The following UPF1 variants were observed in gnomAD, a reference collection of about 807,000 sequenced individuals.
UPF1 encodes the protein regulator of nonsense transcripts 1.
A neutral mutation model predicts 129.2 loss-of-function variants in UPF1; 9 were observed. The ratio of observed to expected loss-of-function variants is 0.07; its 90% confidence interval spans 0.04 to 0.12. The LOEUF (loss-of-function observed/expected upper bound fraction) is 0.12, where lower values mean the gene tolerates loss of function less well. Among genes scored for constraint, UPF1 ranks in the 10% least tolerant of loss-of-function variants. The pLI is 1.00. For missense variants in UPF1, 788 were observed against 1,525.3 expected (o/e 0.52, Z 8.05); for synonymous variants, 649 against 644.9 (o/e 1.01, Z -0.10).
intron 15 of UPF1, chr19:18,859,284 C>T (rs896850119): frequency 1.3e-5 from 2 of 152,238 alleles, no homozygotes; most frequent in Non-Finnish European, 1.5e-5. Context: ...ATGCACAGCA[C>T]GTAGTTCACA....
rs183573172 is a variant in UPF1, at chr19:18,852,434, T to C, written c.972+138T>C. On this transcript the variant is annotated intron_variant, in intron 6 of 23. Transcript: ENST00000262803. ...AGCCGCGACACCTGAGAGTTGGAACTTGCGGATCCGGGCCTGGCAGCCCGG... is the reference window on the plus strand; with the variant it reads ...AGCCGCGACACCTGAGAGTTGGAACCTGCGGATCCGGGCCTGGCAGCCCGG... 681 of 1,312,760 alleles carry C rather than the reference T, an allele frequency of 5.2e-4. 3 individuals carry two copies. In the African/African-American group the frequency reaches 8.9e-3, roughly 17 times the overall value. 81.3% of individuals were successfully genotyped at this position (1,312,760 alleles called of 1,614,324 possible). A position where few individuals can be genotyped will look rare whatever the true frequency, so the allele number is the denominator to read the frequency against.
intron 23 of UPF1, among the ~76,000 whole-genome samples, 160 bp from the exon 24 acceptor site, chr19:18,866,361 A>T (rs1490677058): frequency 6.6e-6 from 1 of 151,986 alleles, no homozygotes; most frequent in African/African-American, 2.4e-5. Context: ...ACCCCACCCT[A>T]CCCCATCCTG....
rs769662142 is a variant in UPF1, at chr19:18,855,111, G to A, written c.1426-13G>A. 86 of 1,613,676 alleles carry A rather than the reference G, an allele frequency of 5.3e-5. No individual in the cohort carries two copies. The highest frequency in any genetic ancestry group is 1.6e-4 in the Middle Eastern group (1 of 6,082). ...CAAGCGGAGGCTGCCCCTAACGGCC[G>A]CTTGTATTGAAGGTTTATGCCGTGA... On this transcript the variant is annotated splice_polypyrimidine_tract_variant and intron_variant, in intron 10 of 23. Coordinates refer to ENST00000262803, the MANE Select transcript of UPF1 (RefSeq NM_002911.4).
rs1217060444 is a variant in UPF1 at position 18,850,234 on chromosome 19, G to A, written c.621G>A (p.Leu207=). ...CCAAAGCTGACTCAGTGGTGGTGCT[G>A]CTGTGCAGGTGAGTGGTCCCCAGAT... ...IPAKADSVVV[L]LCRQPCASQS... The change falls in exon 4 of 24, where the codon CTG becomes CTA. Residue 207 remains leucine (L), a synonymous_variant. Transcript: ENST00000262803. The surrounding 1 kb of genome is among the most constrained non-coding windows in gnomAD (Gnocchi z 7.1). The A allele has an allele frequency of 1.2e-6, 2 of 1,607,762 alleles. No individual in the cohort carries two copies. The highest frequency in any genetic ancestry group is 4.5e-5 in the East Asian group (2 of 44,784).
At position 18,863,485 on chromosome 19, in the gene UPF1, C is replaced by T. The variant is rs2055804421; in HGVS notation, c.2648C>T (p.Pro883Leu). 5.6e-6 allele frequency: 9 copies of T among 1,613,878 alleles called. No homozygotes were observed. The highest frequency in any genetic ancestry group is 2.2e-5 in the East Asian group (1 of 44,882). ...AACCCGAAGGCACTATCAAAGCAGC[C>T]GCTCTGGAACCACCTGCTGAACTAC... ...VGNPKALSKQ[P>L]LWNHLLNYYK... Residue 883 changes from proline (P) to leucine (L), a missense_variant, in exon 19 of 24, where the codon CCG becomes CTG. Around this residue, in one of 6 missense-constraint regions of UPF1, gnomAD observed 140 missense variants for 385.9 expected, o/e 0.36. Transcript: ENST00000262803.
intron 3 of UPF1, chr19:18,849,538 G>A (rs1391910366): frequency 1.2e-5 from 2 of 167,182 alleles, no homozygotes; most frequent in Non-Finnish European, 2.6e-5. Flanking sequence ...AACCGCCCCC[G>A]CCTCTGCTCA....
In UPF1 at chr19:18,865,919, A is replaced by G; in HGVS notation, c.3238-125A>G. ...CCTGTCCCTGGGCTGGGGTCATCAG[A>G]GTGGGTCTCCTGGGTCTTAGTTTGG... On this transcript the variant is annotated intron_variant, in intron 22 of 23. Transcript: ENST00000262803. The surrounding 1 kb of genome is among the most constrained non-coding windows in gnomAD (Gnocchi z 6.1). The G allele has an allele frequency of 6.3e-7, 1 of 1,579,960 alleles. No individual in the cohort carries two copies. Among genetic ancestry groups the G allele is most frequent in the Non-Finnish European group, 8.6e-7 (1 of 1,164,720 alleles).
In UPF1 at chr19:18,851,436, C is replaced by T. The variant is rs1373726481; in HGVS notation, c.810+568C>T. Reference sequence around the variant, plus strand: ...TAGGCTAGAAGTTTTCATTTGCCTCCCATTCAGTCAGAAATCTCACATAGG... The same window carrying T: ...TAGGCTAGAAGTTTTCATTTGCCTCTCATTCAGTCAGAAATCTCACATAGG... On this transcript the variant is annotated intron_variant, in intron 5 of 23. Coordinates refer to ENST00000262803, the MANE Select transcript of UPF1 (RefSeq NM_002911.4). The surrounding 1 kb of genome is among the most constrained non-coding windows in gnomAD (Gnocchi z 4.2). Among the ~76,000 whole-genome samples, 1 of 152,206 alleles carries T rather than the reference C, an allele frequency of 6.6e-6. No individual in the cohort carries two copies. Among genetic ancestry groups the T allele is most frequent in the African/African-American group, 2.4e-5 (1 of 41,458 alleles).
Position 18,852,178 on chromosome 19 carries a change from T to G in UPF1, c.854T>G (p.Val285Gly). The change falls in exon 6 of 24, where the codon GTG (valine) becomes GGG (glycine). Residue 285 changes from valine to glycine, a missense_variant. Around this residue, in one of 6 missense-constraint regions of UPF1, gnomAD observed 227 missense variants for 517.9 expected, o/e 0.44. Coordinates refer to ENST00000262803, the MANE Select transcript of UPF1 (RefSeq NM_002911.4). ...ATLEDLEKPG[V>G]DEEPQHVLLR... ...CTGGAGGACCTGGAGAAGCCGGGGG[T>G]GGACGAGGAGCCGCAGCATGTCCTC... is the stretch of plus-strand genomic sequence containing the variant. 1.2e-6 allele frequency: 2 copies of G among 1,612,740 alleles called. No individual in the cohort carries two copies. The highest frequency in any genetic ancestry group is 1.7e-6 in the Non-Finnish European group (2 of 1,179,274).
rs374211846 is a variant in UPF1 at position 18,860,964 on chromosome 19, G to C, written c.2439G>C (p.Leu813=). The change falls in exon 17 of 24, where the codon CTG becomes CTC. Residue 813 remains leucine, a synonymous_variant. Coordinates refer to ENST00000262803, the MANE Select transcript of UPF1 (RefSeq NM_002911.4). ...LVQYMQFSGS[L]HTKLYQEVEI... ...AGTACATGCAGTTCAGCGGCTCCCTGCACACCAAGCTCTACCAGGTGCGCT... is the reference window on the plus strand; with the variant it reads ...AGTACATGCAGTTCAGCGGCTCCCTCCACACCAAGCTCTACCAGGTGCGCT... The C allele has an allele frequency of 3.8e-6, 6 of 1,583,858 alleles. No homozygotes were observed. The African/African-American group carries it at 8.1e-5, about 21-fold the overall frequency.
chr19:18,836,121 CAAGTGTCCTT>C (rs1463920358), intron 1 of UPF1, among the ~76,000 whole-genome samples: 1 of 152,182 alleles, frequency 6.6e-6, no homozygotes, highest in Non-Finnish European at 1.5e-5. Context: ...ACAGTATTGC[CAAGTGTCCTT>C]AAGATACAGG....
chr19:18,854,820 AGG>A, intron 9 of UPF1, 57 bp from the exon 10 acceptor site: 2 of 1,608,070 alleles, frequency 1.2e-6, no homozygotes, highest in Non-Finnish European at 1.7e-6. Flanking sequence ...CTGCAAACTC[AGG>A]ATGTCGGAGA....
At position 18,852,412 on chromosome 19, in the gene UPF1, C is replaced by T. The variant is rs1036540895; in HGVS notation, c.972+116C>T. 2.7e-5 allele frequency: 39 copies of T among 1,449,506 alleles called. 1 individual carries two copies. The highest frequency in any genetic ancestry group is 1.0e-4 in the African/African-American group (7 of 68,576). The allele number at this position is 1,449,506 out of a possible 1,614,324, so 89.8% of individuals were successfully genotyped here. On this transcript the variant is annotated intron_variant, in intron 6 of 23. Transcript: ENST00000262803. ...TGTGGGAGCTGATGTGGGCTGCAGC[C>T]GCGACACCTGAGAGTTGGAACTTGC... is the stretch of plus-strand genomic sequence containing the variant.
At position 18,832,684 on chromosome 19, in the gene UPF1, T is replaced by C. The variant is rs2055441206; in HGVS notation, c.231+244T>C. On this transcript the variant is annotated intron_variant, in intron 1 of 23. Transcript: ENST00000262803. This position sits in a 1 kb window ranked among gnomAD's most constrained non-coding sequence, Gnocchi z 5.6. ...CCGCTCCGGCCGCGACCTGGCTGAG[T>C]TCCTTCGGCCCCCAACTCCTGGGCC... Among the ~76,000 whole-genome samples, 1 of 152,082 alleles carries C rather than the reference T, an allele frequency of 6.6e-6. No homozygotes were observed. The highest frequency in any genetic ancestry group is 1.5e-5 in the Non-Finnish European group (1 of 67,994).
rs1431836450 is a variant in UPF1 at position 18,865,427 on chromosome 19, G to A, written c.2996G>A (p.Gly999Glu). ...MPPMPPPGYF[G>E]QANGPAAGRG... Reference sequence around the variant, plus strand: ...CCCATGCCACCGCCTGGCTATTTTGGACAAGCCAACGGGCCTGCTGCAGGT... The same window carrying A: ...CCCATGCCACCGCCTGGCTATTTTGAACAAGCCAACGGGCCTGCTGCAGGT... The change falls in exon 21 of 24, where the codon GGA (glycine) becomes GAA (glutamate). Residue 999 changes from glycine to glutamate, a missense_variant. Transcript: ENST00000262803. The surrounding 1 kb of genome is among the most constrained non-coding windows in gnomAD (Gnocchi z 6.1). 1 of 1,613,776 alleles carries A rather than the reference G, an allele frequency of 6.2e-7. No individual in the cohort carries two copies. The highest frequency in any genetic ancestry group is 2.2e-5 in the East Asian group (1 of 44,892).
intron 1 of UPF1, among the ~76,000 whole-genome samples, chr19:18,842,136 C>T (rs1327372414): frequency 2.0e-5 from 3 of 152,062 alleles, no homozygotes; most frequent in Admixed American, 1.3e-4. Flanking sequence ...ACCGCTGTGT[C>T]GGGTGGTGGG....
intron 1 of UPF1, among the ~76,000 whole-genome samples, chr19:18,836,274 T>C (rs1410026234): frequency 6.6e-6 from 1 of 152,226 alleles, no homozygotes; most frequent in Non-Finnish European, 1.5e-5. Context: ...GTCTGCCTGG[T>C]TGGAATATTT....
At chr19:18,841,965 C>T (rs777434984) in intron 1 of UPF1, among the ~76,000 whole-genome samples, 1 of 152,170 alleles carries the variant, frequency 6.6e-6, no homozygotes, top group Non-Finnish European at 1.5e-5. Flanking sequence ...AGGCATTGTG[C>T]ACACCTGTAG....
In UPF1 at chr19:18,832,131, G is replaced by A. The variant is rs1020830707; in HGVS notation, c.-79G>A. On this transcript the variant is annotated 5_prime_UTR_variant, in exon 1 of 24. Transcript: ENST00000262803. This position sits in a 1 kb window ranked among gnomAD's most constrained non-coding sequence, Gnocchi z 5.6. ...GGGGCGACAGCGGCAGCGACCCGAGGCCTGCGGCCTAGGCCTCAGCGCGGC... is the reference window on the plus strand; with the variant it reads ...GGGGCGACAGCGGCAGCGACCCGAGACCTGCGGCCTAGGCCTCAGCGCGGC... 2.0e-5 allele frequency: 26 copies of A among 1,319,844 alleles called. No homozygotes were observed. The African/African-American group carries it at 3.9e-4, about 20-fold the overall frequency. The allele number at this position is 1,319,844 out of a possible 1,614,324, so 81.8% of individuals were successfully genotyped here. A position where few individuals can be genotyped will look rare whatever the true frequency, so the allele number is the denominator to read the frequency against.
Sources: gnomAD v4.1 joint callset for allele counts (sites outside exome capture counted in the v4.1 genomes callset) on GRCh38, gnomAD v4.1.1 for gene constraint, gnomAD v4.1.1 regional missense constraint, Gnocchi (gnomAD v3.1) non-coding constraint, MANE v1.5 for transcripts, NCBI Gene and HGNC (gene_info 2026-07-23, HGNC 2026-07-21) for gene names.